The following NECAB1 variants were observed in gnomAD, a reference collection of about 807,000 sequenced individuals.
NECAB1 encodes N-terminal EF-hand calcium-binding protein 1.
A neutral mutation model predicts 57.5 loss-of-function variants in NECAB1; 29 were observed. The ratio of observed to expected loss-of-function variants is 0.50; its 90% CI spans 0.38 to 0.69. The LOEUF is 0.69. Ranked by LOEUF, NECAB1 falls within the 30% of genes least tolerant of loss-of-function variation. NECAB1 has a pLI of 0.00. For synonymous variants in NECAB1, 142 were observed against 147.7 expected, an observed-to-expected ratio of 0.96 and a Z score of 0.28; for missense variants, 372 against 413.8, an observed-to-expected ratio of 0.90 and a Z score of 0.88.
chr8:90,863,248 T>C (rs1808443781), intron 3 of NECAB1, among the ~76,000 whole-genome samples: 1 of 152,120 alleles, frequency 6.6e-6, no homozygotes, highest in Admixed American at 6.6e-5. Context: ...AGCAAACCAA[T>C]ATTTGAAATA....
chr8:90,879,189 C>G (rs886760828), intron 4 of NECAB1, among the ~76,000 whole-genome samples: 4 of 139,980 alleles, frequency 2.9e-5, no homozygotes, highest in African/African-American at 8.2e-5. Flanking sequence ...TTTGTTTTCA[C>G]TTTCTTTTTT....
chr8:90,842,609 C>A (rs1286305174), intron 3 of NECAB1, among the ~76,000 whole-genome samples: 2 of 152,206 alleles, frequency 1.3e-5, no homozygotes, highest in Non-Finnish European at 2.9e-5. Flanking sequence ...GAATGCTGGG[C>A]TGTCTGGCCT....
chr8:90,915,161 A>G (rs868448260), intron 5 of NECAB1, among the ~76,000 whole-genome samples: 4 of 152,170 alleles, frequency 2.6e-5, no homozygotes, highest in African/African-American at 4.8e-5. Flanking sequence ...GAGATGCGAA[A>G]ATAGTTGGTA....
chr8:90,899,574 T>C (rs1056940839), intron 5 of NECAB1, among the ~76,000 whole-genome samples: 2 of 152,146 alleles, frequency 1.3e-5, no homozygotes, highest in Admixed American at 6.5e-5. Context: ...GTTTAGAAAC[T>C]CTGGAACAGA....
At position 90,955,571 on chromosome 8, in the gene NECAB1, C is replaced by A; in HGVS notation, c.*59C>A. Reference sequence around the variant, plus strand: ...GCAAAACAGGTGTTCTTATCTAAAACGTCAATTAGAAAATTATCTGCGGTT... The same window carrying A: ...GCAAAACAGGTGTTCTTATCTAAAAAGTCAATTAGAAAATTATCTGCGGTT... On this transcript the variant is annotated 3_prime_UTR_variant, in exon 13 of 13. Coordinates refer to ENST00000417640, the MANE Select transcript of NECAB1 (RefSeq NM_022351.5). 1.5e-6 allele frequency: 2 copies of A among 1,320,368 alleles called. No individual in the cohort carries two copies. Among genetic ancestry groups the A allele is most frequent in the Non-Finnish European group, 2.1e-6 (2 of 961,758 alleles). 81.8% of individuals were successfully genotyped at this position (1,320,368 alleles called of 1,614,324 possible).
intron 5 of NECAB1, among the ~76,000 whole-genome samples, chr8:90,889,366 C>T (rs184083502): frequency 3.3e-5 from 5 of 152,250 alleles, no homozygotes; most frequent in Admixed American, 1.3e-4. Context: ...TTAAGTTGAT[C>T]CCTGTGAATT....
intron 3 of NECAB1, among the ~76,000 whole-genome samples, chr8:90,827,233 G>A (rs1199614331): frequency 6.6e-6 from 1 of 151,862 alleles, no homozygotes; most frequent in Non-Finnish European, 1.5e-5. Context: ...TCCAAATCCT[G>A]CCTCTGTTCA....
intron 6 of NECAB1, among the ~76,000 whole-genome samples, chr8:90,920,259 A>G (rs1810070961): frequency 6.6e-6 from 1 of 152,218 alleles, no homozygotes; most frequent in African/African-American, 2.4e-5. Flanking sequence ...GTTTATAAAG[A>G]AATGCATAAA....
At chr8:90,798,666 A>G (rs1225389212) in intron 1 of NECAB1, among the ~76,000 whole-genome samples, 1 of 152,150 alleles carries the variant, frequency 6.6e-6, no homozygotes, top group East Asian at 1.9e-4. Flanking sequence ...TCCATGATGT[A>G]TATGTACCAC....
Position 90,843,996 on chromosome 8 carries a change from TACAGGTATA to T in NECAB1, c.233+19176_233+19184del, listed in dbSNP as rs371706233. Among the ~76,000 whole-genome samples the T allele has an allele frequency of 1.4e-3, 216 of 152,318 alleles. 1 individual carries two copies. The highest frequency in any genetic ancestry group is 5.1e-3 in the African/African-American group (211 of 41,566). ...CTCTATTCTATACTGCCTTTTTCCT[TACAGGTATA>T]ACAGATCATGAAACTCAGGTGGGTA... is the stretch of plus-strand genomic sequence containing the variant. On this transcript the variant is annotated intron_variant, in intron 3 of 12. Transcript: ENST00000417640.
chr8:90,943,273 T>C (rs1810719879), intron 10 of NECAB1, among the ~76,000 whole-genome samples: 1 of 152,212 alleles, frequency 6.6e-6, no homozygotes, highest in African/African-American at 2.4e-5. Flanking sequence ...GAGCATCTTT[T>C]TCCTGTAAGA....
At chr8:90,951,905 G>A (rs909921012) in intron 12 of NECAB1, among the ~76,000 whole-genome samples, 4 of 152,138 alleles carry the variant, frequency 2.6e-5, no homozygotes, top group Non-Finnish European at 4.4e-5. Flanking sequence ...ATGAGATGTG[G>A]AAAAGTAAAG....
intron 10 of NECAB1, 144 bp from the exon 11 acceptor site, chr8:90,949,663 A>G: frequency 4.3e-6 from 2 of 468,560 alleles, no homozygotes; most frequent in Non-Finnish European, 3.8e-6. Context: ...TTCTTGACAA[A>G]TCTGTTTGAT....
intron 5 of NECAB1, among the ~76,000 whole-genome samples, chr8:90,893,675 G>T (rs185475139): frequency 6.6e-6 from 1 of 152,224 alleles, no homozygotes; most frequent in Admixed American, 6.5e-5. Flanking sequence ...CAACTCATGG[G>T]GTGAAAACTG....
chr8:90,900,513 G>C (rs1245736488), intron 5 of NECAB1, among the ~76,000 whole-genome samples: 1 of 152,174 alleles, frequency 6.6e-6, no homozygotes, highest in African/African-American at 2.4e-5. Flanking sequence ...ATCATAGTAT[G>C]AGTCAATGGC....
intron 1 of NECAB1, among the ~76,000 whole-genome samples, chr8:90,793,348 C>G (rs1466800794): frequency 6.6e-6 from 1 of 152,174 alleles, no homozygotes; most frequent in African/African-American, 2.4e-5. Flanking sequence ...CACCTGGTGG[C>G]TCCAATTGGT....
At chr8:90,899,785 T>C (rs1334141472) in intron 5 of NECAB1, among the ~76,000 whole-genome samples, 11 of 152,216 alleles carry the variant, frequency 7.2e-5, no homozygotes. Flanking sequence ...AAGAAACTCA[T>C]AATTCAGGTG....
intron 12 of NECAB1, among the ~76,000 whole-genome samples, chr8:90,954,845 A>G (rs1810990802): frequency 1.3e-5 from 2 of 148,358 alleles, no homozygotes; most frequent in Non-Finnish European, 3.0e-5. Flanking sequence ...AGCTGCATAT[A>G]TTTATAAATA....
intron 5 of NECAB1, among the ~76,000 whole-genome samples, chr8:90,899,534 G>A (rs1809446433): frequency 1.3e-5 from 2 of 152,108 alleles, no homozygotes; most frequent in Admixed American, 6.5e-5. Context: ...GTAAAGAGAT[G>A]GGACCCAAAA....
Sources: gnomAD v4.1 joint callset for allele counts (sites outside exome capture counted in the v4.1 genomes callset) on GRCh38, gnomAD v4.1.1 for gene constraint, MANE v1.5 for transcripts, NCBI Gene and HGNC (gene_info 2026-07-23, HGNC 2026-07-21) for gene names.